OSBPL5: variants seen among roughly 807,000 people sequenced by gnomAD.
OSBPL5 encodes oxysterol-binding protein-related protein 5.
OSBPL5 carries 71 observed loss-of-function variants against 111.2 expected under a neutral mutation model. The ratio of observed to expected loss-of-function variants is 0.64; its 90% CI spans 0.53 to 0.78. The LOEUF is 0.78. Ranked by LOEUF, OSBPL5 falls within the 30% of genes least tolerant of loss-of-function variation. OSBPL5 has a pLI of 0.00. For synonymous variants in OSBPL5, 549 were observed against 513.9 expected, an observed-to-expected ratio of 1.07 and a Z score of -0.93; for missense variants, 1,210 against 1,189.3, an observed-to-expected ratio of 1.02 and a Z score of -0.26.
At chr11:3,156,666 G>A (rs4388873) in intron 1 of OSBPL5, among the ~76,000 whole-genome samples, 93,881 of 151,792 alleles carry the variant, frequency 0.62, 29,736 homozygotes, top group African/African-American at 0.72. Context: ...TATTCTGCAT[G>A]GTTCCCGTGT....
rs1209801768 is a variant in OSBPL5, at chr11:3,126,482, C to A, written c.210G>T (p.Lys70Asn). The change falls in exon 3 of 22, where the codon AAG (lysine) becomes AAT (asparagine). Residue 70 changes from lysine to asparagine, a missense_variant. Transcript: ENST00000263650. The surrounding 1 kb of genome is among the most constrained non-coding windows in gnomAD (Gnocchi z 6.5). ...ATACCCAGGCTCTTACCGGTGGCACCTTCGTGGCAGAGCTTGGGGTCGGGG... is the reference window on the plus strand; with the variant it reads ...ATACCCAGGCTCTTACCGGTGGCACATTCGTGGCAGAGCTTGGGGTCGGGG... ...EGPPTPSSATKVPPAEYRLCN... is the reference protein window; with the variant it reads ...EGPPTPSSATNVPPAEYRLCN... 10 of 1,608,688 alleles carry A rather than the reference C, an allele frequency of 6.2e-6. No individual in the cohort carries two copies. Among genetic ancestry groups the A allele is most frequent in the African/African-American group, 5.3e-5 (4 of 74,810 alleles).
intron 10 of OSBPL5, among the ~76,000 whole-genome samples, chr11:3,103,705 TACC>T (rs1564829484): frequency 1.9e-5 from 2 of 104,042 alleles, no homozygotes; most frequent in Non-Finnish European, 1.9e-5. Context: ...CCAGCCTGCG[TACC>T]CCCTTCCAGG....
At chr11:3,115,743 A>G (rs759284193) in intron 7 of OSBPL5, among the ~76,000 whole-genome samples, 9 of 152,254 alleles carry the variant, frequency 5.9e-5, no homozygotes, top group Non-Finnish European at 1.0e-4. Context: ...TATGGAAGTT[A>G]TATCTTATGA....
rs761860423 is a variant in OSBPL5 at position 3,090,550 on chromosome 11, G to A, written c.2398+8C>T. 10 of 1,611,744 alleles carry A rather than the reference G, an allele frequency of 6.2e-6. No individual in the cohort carries two copies. Among genetic ancestry groups the A allele is most frequent in the Non-Finnish European group, 7.6e-6 (9 of 1,179,152 alleles). On this transcript the variant is annotated splice_region_variant and intron_variant, in intron 20 of 21. Coordinates refer to ENST00000263650, the MANE Select transcript of OSBPL5 (RefSeq NM_020896.4). ...AGAGGCCTTGGGGCTGGGCCCAAGG[G>A]GGCTCACCAGGGACAAAGTCACCAT...
intron 7 of OSBPL5, among the ~76,000 whole-genome samples, chr11:3,118,918 G>T (rs1436990509): frequency 2.6e-5 from 4 of 151,926 alleles, no homozygotes; most frequent in African/African-American, 7.3e-5. Context: ...AGATGTTTGG[G>T]GTTCACACTG....
intron 1 of OSBPL5, among the ~76,000 whole-genome samples, chr11:3,144,352 C>G (rs1310164343): frequency 6.6e-6 from 1 of 152,194 alleles, no homozygotes; most frequent in Non-Finnish European, 1.5e-5. Context: ...TGACGGGGAG[C>G]TGGAGTGTGC....
At chr11:3,096,429 G>T (rs1017162952) in intron 14 of OSBPL5, among the ~76,000 whole-genome samples, 4 of 152,126 alleles carry the variant, frequency 2.6e-5, no homozygotes, top group African/African-American at 9.7e-5. Flanking sequence ...GACCAGCCTG[G>T]CCAACATGGT....
intron 1 of OSBPL5, among the ~76,000 whole-genome samples, chr11:3,136,037 G>A (rs61526030): frequency 0.091 from 13,805 of 152,284 alleles, 2,107 homozygotes; most frequent in African/African-American, 0.31. Context: ...GTCCCATGTG[G>A]TGCCAGCCCA....
chr11:3,115,247 C>T (rs895354391), intron 7 of OSBPL5, among the ~76,000 whole-genome samples: 4 of 152,106 alleles, frequency 2.6e-5, no homozygotes, highest in Non-Finnish European at 5.9e-5. Flanking sequence ...CAAAATAATT[C>T]CTATGCCATT....
chr11:3,127,880 G>A (rs1024227309), intron 2 of OSBPL5, among the ~76,000 whole-genome samples: 2 of 152,106 alleles, frequency 1.3e-5, no homozygotes, highest in Non-Finnish European at 2.9e-5. Flanking sequence ...CCATTCCTCG[G>A]AAAAGGCCCT....
Position 3,091,337 on chromosome 11 carries a change from G to A in OSBPL5, c.2260-641C>T, listed in dbSNP as rs143726309. Among the ~76,000 whole-genome samples, 283 of 152,358 alleles carry A rather than the reference G, an allele frequency of 1.9e-3. 1 individual carries two copies. The highest frequency in any genetic ancestry group is 6.6e-3 in the African/African-American group (273 of 41,588). ...GGCGTTTGGGGCCAGAGAGGTGCCAGGGACGCTCTGCATTGGGTGTGGTCA... is the reference window on the plus strand; with the variant it reads ...GGCGTTTGGGGCCAGAGAGGTGCCAAGGACGCTCTGCATTGGGTGTGGTCA... On this transcript the variant is annotated intron_variant, in intron 19 of 21. Coordinates refer to ENST00000263650, the MANE Select transcript of OSBPL5 (RefSeq NM_020896.4).
At chr11:3,147,731 C>T (rs922614661) in intron 1 of OSBPL5, among the ~76,000 whole-genome samples, 4 of 152,318 alleles carry the variant, frequency 2.6e-5, no homozygotes, top group Admixed American at 2.0e-4. Context: ...TGTCCAGGGA[C>T]GCGTGGGTGC....
chr11:3,108,034 C>A, intron 7 of OSBPL5, 89 bp from the exon 8 acceptor site: 1 of 1,502,742 alleles, frequency 6.7e-7, no homozygotes, highest in Non-Finnish European at 8.9e-7. Context: ...CCCCCTCACT[C>A]TGACTCTTCA....
At position 3,140,841 on chromosome 11, in the gene OSBPL5, C is replaced by G. The variant is rs1416548726; in HGVS notation, c.-21-11672G>C. On this transcript the variant is annotated intron_variant, in intron 1 of 21. Coordinates refer to ENST00000263650, the MANE Select transcript of OSBPL5 (RefSeq NM_020896.4). The surrounding 1 kb of genome is among the most constrained non-coding windows in gnomAD (Gnocchi z 4.5). ...GTGTATCAAGGTGAGGTGCCTACCCCACCCCTACCCGCCCATGCAGAGCTG... is the reference window on the plus strand; with the variant it reads ...GTGTATCAAGGTGAGGTGCCTACCCGACCCCTACCCGCCCATGCAGAGCTG... Among the ~76,000 whole-genome samples the G allele has an allele frequency of 6.6e-6, 1 of 152,112 alleles. No individual in the cohort carries two copies. Among genetic ancestry groups the G allele is most frequent in the Non-Finnish European group, 1.5e-5 (1 of 67,998 alleles).
chr11:3,111,134 C>A (rs1857909629), intron 7 of OSBPL5, among the ~76,000 whole-genome samples: 1 of 151,994 alleles, frequency 6.6e-6, no homozygotes, highest in South Asian at 2.1e-4. Context: ...CCTGGAAGCA[C>A]CTCCCCCCGT....
chr11:3,107,521 GC>G lies in OSBPL5; in HGVS notation c.867-67del. The stretch of plus-strand genomic sequence containing the variant: ...AGAGCCCAGCACAGCCCTCTGGGCT[GC>G]CCACCCCTCGCTGCTCCGCACTTCA... On this transcript the variant is annotated intron_variant, in intron 8 of 21. Coordinates refer to ENST00000263650, the MANE Select transcript of OSBPL5 (RefSeq NM_020896.4). The surrounding 1 kb of genome is among the most constrained non-coding windows in gnomAD (Gnocchi z 6.1). The G allele has an allele frequency of 1.3e-6, 2 of 1,550,500 alleles. No homozygotes were observed. The highest frequency in any genetic ancestry group is 1.8e-6 in the Non-Finnish European group (2 of 1,129,902).
At chr11:3,096,580 T>C (rs112083775) in intron 14 of OSBPL5, among the ~76,000 whole-genome samples, 2,948 of 148,764 alleles carry the variant, frequency 0.02, 95 homozygotes, top group African/African-American at 0.07. Flanking sequence ...GATTGCACCA[T>C]TGCACTCTAG....
rs1050781690 is a variant in OSBPL5, at chr11:3,122,348, C to T, written c.300G>A (p.Lys100=). The change falls in exon 4 of 22, where the codon AAG becomes AAA. Residue 100 remains lysine, a splice_region_variant and synonymous_variant. Coordinates refer to ENST00000263650, the MANE Select transcript of OSBPL5 (RefSeq NM_020896.4). ...GCACCCTCCCCGGGCCCGGGCTCAC[C>T]TTGAGAGTCTCCTTCTTGGTGACCC... ...TARVTKKETL[K]AQKENYRQEK... 6.2e-7 allele frequency: 1 copy of T among 1,613,238 alleles called. No individual in the cohort carries two copies. The highest frequency in any genetic ancestry group is 2.2e-5 in the East Asian group (1 of 44,858).
At position 3,105,062 on chromosome 11, in the gene OSBPL5, T is replaced by C. The variant is rs1007894409; in HGVS notation, c.1060-685A>G. On this transcript the variant is annotated intron_variant, in intron 9 of 21. Transcript: ENST00000263650. This position sits in a 1 kb window ranked among gnomAD's most constrained non-coding sequence, Gnocchi z 5.2. Reference sequence around the variant, plus strand: ...CAGCTCCAGAATACATGACTTGGGGTGGCGGGGCTCCCCTTACTCACTCCA... The same window carrying C: ...CAGCTCCAGAATACATGACTTGGGGCGGCGGGGCTCCCCTTACTCACTCCA... Among the ~76,000 whole-genome samples the C allele has an allele frequency of 1.4e-4, 22 of 151,940 alleles. No individual in the cohort carries two copies. The highest frequency in any genetic ancestry group is 4.8e-4 in the African/African-American group (20 of 41,356).
Sources: allele counts gnomAD v4.1 joint callset (sites outside exome capture counted in the v4.1 genomes callset), GRCh38; gene constraint gnomAD v4.1.1; non-coding constraint Gnocchi (gnomAD v3.1); transcripts MANE v1.5; gene names NCBI Gene and HGNC (gene_info 2026-07-23, HGNC 2026-07-21).